FBXL13: variants seen among roughly 807,000 people sequenced by gnomAD.
FBXL13 encodes F-box and leucine-rich repeat protein 13.
In FBXL13, 67 loss-of-function variants were observed where a neutral mutation model predicts 83.6. The observed-to-expected ratio is 0.80, with a 90% CI of 0.66 to 0.98. The LOEUF is 0.98. Ranked by LOEUF, FBXL13 falls within the 50% of genes least tolerant of loss-of-function variation. The pLI is 0.00. For synonymous variants in FBXL13, 272 were observed against 299.5 expected (o/e 0.91, Z 0.95); for missense variants, 822 against 866.5 (o/e 0.95, Z 0.64).
At chr7:103,026,418 C>T (rs1312727146) in intron 5 of FBXL13, among the ~76,000 whole-genome samples, 2 of 152,106 alleles carry the variant, frequency 1.3e-5, no homozygotes, top group African/African-American at 2.4e-5. Flanking sequence ...GGGCAGTTAT[C>T]AAAACACTAG....
At chr7:103,062,008 A>G (rs1429627557) in intron 1 of FBXL13, among the ~76,000 whole-genome samples, 2 of 142,584 alleles carry the variant, frequency 1.4e-5, no homozygotes, top group Non-Finnish European at 3.0e-5. Context: ...AAAACTTCTC[A>G]GAAAAATCAT....
chr7:103,032,740 TAA>T (rs1794634413), intron 2 of FBXL13, among the ~76,000 whole-genome samples: 1 of 152,222 alleles, frequency 6.6e-6, no homozygotes, highest in South Asian at 2.1e-4. Context: ...TATTACATTC[TAA>T]AAGTCAGCCA....
In FBXL13 at chr7:102,965,801, A is replaced by G. The variant is rs542366949; in HGVS notation, c.592-2136T>C. Among the ~76,000 whole-genome samples, 3 of 152,336 alleles carry G rather than the reference A, an allele frequency of 2.0e-5. No individual in the cohort carries two copies. In the South Asian group the frequency reaches 6.2e-4, roughly 32 times the overall value. On this transcript the variant is annotated intron_variant, in intron 7 of 19. Coordinates refer to ENST00000313221, the Ensembl canonical transcript of FBXL13. ...TCTTGTAAGATACTTTAATATCAAC[A>G]AACGTGGTCATTTATGCCATCAACC...
chr7:102,949,164 T>C (rs1029278631), intron 8 of FBXL13, among the ~76,000 whole-genome samples: 2 of 152,214 alleles, frequency 1.3e-5, no homozygotes, highest in African/African-American at 4.8e-5. Flanking sequence ...TTCCCAGAAA[T>C]GTGTGTAATT....
chr7:102,984,036 A>C (rs184554107), intron 6 of FBXL13, among the ~76,000 whole-genome samples: 167 of 152,272 alleles, frequency 1.1e-3, no homozygotes, highest in African/African-American at 3.7e-3. Context: ...AATGTTTGAG[A>C]GTATCATATG....
chr7:103,043,089 T>C (rs995317387), intron 2 of FBXL13, among the ~76,000 whole-genome samples: 2 of 151,938 alleles, frequency 1.3e-5, no homozygotes, highest in African/African-American at 4.8e-5. Flanking sequence ...AGGGCTAATA[T>C]CCAGAATCTA....
exon 19 of FBXL13, chr7:102,822,062 G>C: frequency 6.2e-7 from 1 of 1,614,164 alleles, no homozygotes; most frequent in Non-Finnish European, 8.5e-7. Flanking sequence ...GTGCAGTATT[G>C]CATCTTAAGG....
At chr7:103,050,330 C>G (rs543344248) in intron 2 of FBXL13, among the ~76,000 whole-genome samples, 6 of 152,190 alleles carry the variant, frequency 3.9e-5, no homozygotes, top group Non-Finnish European at 7.3e-5. Flanking sequence ...GCTTTCTTTC[C>G]CTTTCCCTGA....
chr7:102,858,657 G>T (rs1441220595), intron 16 of FBXL13, among the ~76,000 whole-genome samples: 1 of 152,158 alleles, frequency 6.6e-6, no homozygotes, highest in Non-Finnish European at 1.5e-5. Context: ...AATATTATTT[G>T]GTAATAAAAG....
chr7:102,908,847 G>A (rs1413290063), intron 11 of FBXL13, among the ~76,000 whole-genome samples: 1 of 152,232 alleles, frequency 6.6e-6, no homozygotes, highest in East Asian at 1.9e-4. Context: ...GGTCAGACCT[G>A]TAGCTATCAC....
intron 11 of FBXL13, among the ~76,000 whole-genome samples, chr7:102,901,656 G>A (rs999098714): frequency 6.6e-6 from 1 of 152,116 alleles, no homozygotes; most frequent in African/African-American, 2.4e-5. Flanking sequence ...GTGAGAATAT[G>A]CAATTTTTTT....
At chr7:102,888,901 A>G (rs775601227) in intron 11 of FBXL13, among the ~76,000 whole-genome samples, 16 of 152,180 alleles carry the variant, frequency 1.1e-4, no homozygotes, top group Non-Finnish European at 1.3e-4. Flanking sequence ...TTTCTTGCTT[A>G]TAACAAAAAG....
intron 8 of FBXL13, among the ~76,000 whole-genome samples, chr7:102,960,106 A>G (rs1824939039): frequency 3.3e-5 from 5 of 152,128 alleles, no homozygotes; most frequent in Admixed American, 2.0e-4. Flanking sequence ...AGTTTTTTAA[A>G]AATAAGAATA....
chr7:102,851,451 C>CCTTG, intron 17 of FBXL13, among the ~76,000 whole-genome samples: 2 of 149,858 alleles, frequency 1.3e-5, no homozygotes, highest in African/African-American at 4.9e-5. Context: ...CTCCTTCCTT[C>CCTTG]CTTCCCTCCC....
chr7:102,886,493 A>G (rs932070281), intron 11 of FBXL13, among the ~76,000 whole-genome samples: 6 of 152,172 alleles, frequency 3.9e-5, no homozygotes, highest in Non-Finnish European at 8.8e-5. Context: ...CTCAACTCAA[A>G]TGTCACTTCC....
chr7:102,846,615 C>CA (rs763704448), intron 17 of FBXL13, among the ~76,000 whole-genome samples: 54,758 of 122,220 alleles, frequency 0.45, 12,537 homozygotes, highest in African/African-American at 0.66. Context: ...GACTCAGTCT[C>CA]AAAAAAAAAA....
chr7:102,876,556 C>T (rs544581491), intron 16 of FBXL13, among the ~76,000 whole-genome samples: 52 of 152,166 alleles, frequency 3.4e-4, no homozygotes, highest in African/African-American at 9.6e-4. Context: ...CGAATGTTGA[C>T]GAAGGATAAA....
chr7:102,876,704 A>G (rs987764256), intron 16 of FBXL13, among the ~76,000 whole-genome samples: 3 of 152,084 alleles, frequency 2.0e-5, no homozygotes, highest in African/African-American at 7.2e-5. Flanking sequence ...CCTCATAGAC[A>G]GTTGATATTT....
intron 17 of FBXL13, among the ~76,000 whole-genome samples, chr7:102,845,830 A>G (rs961234314): frequency 6.6e-6 from 1 of 152,150 alleles, no homozygotes; most frequent in Middle Eastern, 3.2e-3. Flanking sequence ...TTTCTGACAG[A>G]TAAACTTCCC....
Sources: gnomAD v4.1 joint callset for allele counts (sites outside exome capture counted in the v4.1 genomes callset) on GRCh38, gnomAD v4.1.1 for gene constraint, MANE v1.5 for transcripts, NCBI Gene and HGNC (gene_info 2026-07-23, HGNC 2026-07-21) for gene names.